The following OAS1 variants were observed in gnomAD, a reference collection of about 807,000 sequenced individuals.
The protein encoded by OAS1 is 2'-5'-oligoadenylate synthetase 1, also known as 2'-5'-oligoadenylate synthase 1.
Under a neutral mutation model 38.5 loss-of-function variants are expected in OAS1, and 24 were observed. The ratio of observed to expected loss-of-function variants is 0.62; its 90% CI spans 0.45 to 0.88. The LOEUF is 0.88. Among genes scored for constraint, OAS1 ranks in the 40% least tolerant of loss-of-function variants. OAS1 has a pLI of 0.00. For synonymous variants in OAS1, 169 were observed against 193.9 expected (o/e 0.87, Z 1.07); for missense variants, 482 against 493.9 (o/e 0.98, Z 0.23).
intron 5 of OAS1, chr12:112,918,445 T>C (rs1360710627): frequency 3.0e-6 from 1 of 332,750 alleles, no homozygotes; most frequent in East Asian, 7.6e-5. Flanking sequence ...CGTACTGCGA[T>C]AAACATACGA....
At chr12:112,919,319 T>A in intron 5 of OAS1, 70 bp from the exon 6 acceptor site, 1 of 1,402,740 alleles carries the variant, frequency 7.1e-7, no homozygotes, top group Non-Finnish European at 9.9e-7. Context: ...GTGTCTACCG[T>A]AAATGCTCAC....
At chr12:112,918,957 C>A (rs545067161) in intron 5 of OAS1, 120 of 248,990 alleles carry the variant, frequency 4.8e-4, no homozygotes, top group African/African-American at 2.5e-3. Flanking sequence ...AACCAGCACT[C>A]AGGGAAAGGG....
chr12:112,916,969 A>T (rs1473921142), intron 4 of OAS1: 2 of 522,368 alleles, frequency 3.8e-6, no homozygotes, highest in African/African-American at 1.9e-5. Flanking sequence ...TGAGGTTCTG[A>T]GAGGTAAGGA....
rs749660380 is a variant in OAS1 at position 112,911,220 on chromosome 12, G to A, written c.639G>A (p.Lys213=). The change falls in exon 3 of 6, where the codon AAG becomes AAA. Residue 213 remains lysine, a synonymous_variant. Transcript: ENST00000202917. ...TCAAGAGCCTCATCCGCCTAGTCAA[G>A]CACTGGTACCAAAATGTATGGCCCT... ...TKLKSLIRLV[K]HWYQNCKKKL... 22 of 1,612,676 alleles carry A rather than the reference G, an allele frequency of 1.4e-5. No individual in the cohort carries two copies. In the Admixed American group the frequency reaches 2.8e-4, roughly 21 times the overall value.
rs1012736293 is a variant in OAS1, at chr12:112,913,683, T to A, written c.654+2448T>A. ...TATCCTAAAATTTCTATTTCATATTTTTGTATCTGCCATGGTACTTCTTAT... is the reference window on the plus strand; with the variant it reads ...TATCCTAAAATTTCTATTTCATATTATTGTATCTGCCATGGTACTTCTTAT... On this transcript the variant is annotated intron_variant, in intron 3 of 5. Transcript: ENST00000202917. Among the ~76,000 whole-genome samples the A allele has an allele frequency of 8.5e-5, 13 of 152,232 alleles. 1 individual carries two copies. The highest frequency in any genetic ancestry group is 2.9e-4 in the African/African-American group (12 of 41,466).
downstream of OAS1, among the ~76,000 whole-genome samples, chr12:112,923,158 A>G (rs2043540478): frequency 6.6e-6 from 1 of 152,202 alleles, no homozygotes; most frequent in Non-Finnish European, 1.5e-5. Flanking sequence ...GGTTGTTTCC[A>G]CTTGATTATT....
At chr12:112,920,425 T>A (rs2043522033), downstream of OAS1, among the ~76,000 whole-genome samples, 1 of 152,250 alleles carries the variant, frequency 6.6e-6, no homozygotes, top group South Asian at 2.1e-4. Context: ...ATAATTTTTT[T>A]AATTGTGTGC....
intron 6 of OAS1, among the ~76,000 whole-genome samples, chr12:112,927,321 C>T (rs538082964): frequency 1.1e-4 from 17 of 152,142 alleles, no homozygotes; most frequent in South Asian, 2.1e-4. Flanking sequence ...TAGGTCCCTC[C>T]GTTCGGGGTC....
rs2043301946 is a variant in OAS1 at position 112,906,963 on chromosome 12, G to A, written c.-77G>A. On this transcript the variant is annotated 5_prime_UTR_variant, in exon 1 of 6. Coordinates refer to ENST00000202917, the MANE Select transcript of OAS1 (RefSeq NM_016816.4). ...TTCTGAGGAAACGAAACCAACAGCAGTCCAAGCTCAGTCAGCAGAAGAGAT... is the reference window on the plus strand; with the variant it reads ...TTCTGAGGAAACGAAACCAACAGCAATCCAAGCTCAGTCAGCAGAAGAGAT... 2.0e-6 allele frequency: 3 copies of A among 1,520,942 alleles called. No individual in the cohort carries two copies. In the South Asian group the frequency reaches 3.5e-5, roughly 18 times the overall value. The allele number at this position is 1,520,942 out of a possible 1,614,324, so 94.2% of individuals were successfully genotyped here. A position where few individuals can be genotyped will look rare whatever the true frequency, so the allele number is the denominator to read the frequency against.
In OAS1 at chr12:112,907,113, G is replaced by A; in HGVS notation, c.74G>A (p.Cys25Tyr). The A allele has an allele frequency of 1.2e-6, 2 of 1,614,202 alleles. No homozygotes were observed. The highest frequency in any genetic ancestry group is 1.7e-6 in the Non-Finnish European group (2 of 1,180,040). Residue 25 changes from cysteine (C) to tyrosine (Y), a missense_variant, in exon 1 of 6, where the codon TGT becomes TAT. Coordinates refer to ENST00000202917, the MANE Select transcript of OAS1 (RefSeq NM_016816.4). ...FIEDYLLPDT[C>Y]FRMQINHAID... ...GAAGACTATCTCTTGCCAGACACGT[G>A]TTTCCGCATGCAAATCAACCATGCC...
chr12:112,928,954 T>G (rs974818992), intron 6 of OAS1, among the ~76,000 whole-genome samples: 3 of 152,188 alleles, frequency 2.0e-5, no homozygotes, highest in African/African-American at 2.4e-5. Flanking sequence ...ATCCCAGGCC[T>G]GGGAACCTCT....
At chr12:112,924,503 C>T (rs1029351518), downstream of OAS1, among the ~76,000 whole-genome samples, 1 of 151,718 alleles carries the variant, frequency 6.6e-6, no homozygotes, top group African/African-American at 2.4e-5. Context: ...TGATTCTGAT[C>T]CATGAACTTG....
At chr12:112,914,539 A>T (rs1400165102) in intron 3 of OAS1, among the ~76,000 whole-genome samples, 3 of 152,176 alleles carry the variant, frequency 2.0e-5, no homozygotes, top group Non-Finnish European at 4.4e-5. Flanking sequence ...TAGTGGTTGT[A>T]TGAGTTTACA....
chr12:112,908,489 G>C (rs1269345821), intron 1 of OAS1, 47 bp from the exon 2 acceptor site: 1 of 1,560,658 alleles, frequency 6.4e-7, no homozygotes, highest in Non-Finnish European at 8.7e-7. Flanking sequence ...TATTTAGGGA[G>C]GTTTGCCTCA....
At chr12:112,926,234 G>T (rs1270883444) in intron 6 of OAS1, among the ~76,000 whole-genome samples, 1 of 152,032 alleles carries the variant, frequency 6.6e-6, no homozygotes, top group Non-Finnish European at 1.5e-5. Context: ...CATTCCTTCT[G>T]CCTCCACCTC....
chr12:112,920,852 C>A (rs1196520154), downstream of OAS1, among the ~76,000 whole-genome samples: 1 of 152,140 alleles, frequency 6.6e-6, no homozygotes, highest in African/African-American at 2.4e-5. Flanking sequence ...TTGTTATTCT[C>A]ATAATATTAA....
Position 112,919,824 on chromosome 12 carries a change from C to T in OAS1, c.*271C>T, listed in dbSNP as rs1050758943. The stretch of plus-strand genomic sequence containing the variant: ...TTTAGATAAGAGAATGAAATTCCAG[C>T]CTTGACTTTCTTCTGTGCACCTGAT... On this transcript the variant is annotated 3_prime_UTR_variant, in exon 6 of 6. Coordinates refer to ENST00000202917, the MANE Select transcript of OAS1 (RefSeq NM_016816.4). The T allele has an allele frequency of 6.3e-6, 8 of 1,278,592 alleles. No individual in the cohort carries two copies. The African/African-American group carries it at 1.0e-4, about 17-fold the overall frequency. The allele number at this position is 1,278,592 out of a possible 1,614,324, so 79.2% of individuals were successfully genotyped here.
At chr12:112,914,042 A>G (rs933784661) in intron 3 of OAS1, among the ~76,000 whole-genome samples, 6 of 152,154 alleles carry the variant, frequency 3.9e-5, no homozygotes, top group African/African-American at 1.2e-4. Flanking sequence ...CATCACCCAA[A>G]CAGTGTACAT....
At chr12:112,919,257 A>G in intron 5 of OAS1, 132 bp from the exon 6 acceptor site, 1 of 827,278 alleles carries the variant, frequency 1.2e-6, no homozygotes, top group Non-Finnish European at 1.9e-6. Context: ...CTGTCCCAGC[A>G]GCTGGGGCTT....
Sources: gnomAD v4.1 joint callset for allele counts (sites outside exome capture counted in the v4.1 genomes callset) on GRCh38, gnomAD v4.1.1 for gene constraint, MANE v1.5 for transcripts, NCBI Gene and HGNC (gene_info 2026-07-23, HGNC 2026-07-21) for gene names.